RBFOX3: variants seen among roughly 807,000 people sequenced by gnomAD.
RBFOX3 encodes the protein RNA binding protein fox-1 homolog 3.
In RBFOX3, 17 loss-of-function variants were observed where a neutral mutation model predicts 48.7. That is an observed-to-expected ratio of 0.35 (90% CI 0.24 to 0.52). The LOEUF is 0.52. Among genes scored for constraint, RBFOX3 ranks in the 20% least tolerant of loss-of-function variants. The pLI, the probability that RBFOX3 is intolerant of heterozygous loss-of-function variation, is 0.94. For synonymous variants in RBFOX3, 212 were observed against 209.5 expected, an observed-to-expected ratio of 1.01 and a Z score of -0.10; for missense variants, 382 against 497.5, an observed-to-expected ratio of 0.77 and a Z score of 2.21.
rs1221386840 is a variant in RBFOX3 at position 79,463,439 on chromosome 17, G to A, written c.-175+19015C>T. Among the ~76,000 whole-genome samples, 18 of 127,106 alleles carry A rather than the reference G, an allele frequency of 1.4e-4. 2 individuals carry two copies. The highest frequency in any genetic ancestry group is 4.3e-4 in the African/African-American group (14 of 32,224). The allele number at this position is 127,106 out of a possible 152,430, so 83.4% of individuals were successfully genotyped here. On this transcript the variant is annotated intron_variant, in intron 2 of 14. Coordinates refer to ENST00000693108, the MANE Select transcript of RBFOX3 (RefSeq NM_001350451.2). Reference sequence around the variant, plus strand: ...TGCCATTGCCACTGCCACCGCCATCGCCACTGCCACCTCCACCGCCATCAC... The same window carrying A: ...TGCCATTGCCACTGCCACCGCCATCACCACTGCCACCTCCACCGCCATCAC...
intron 2 of RBFOX3, among the ~76,000 whole-genome samples, chr17:79,352,399 C>T (rs537763361): frequency 6.6e-5 from 10 of 152,288 alleles, no homozygotes; most frequent in African/African-American, 2.2e-4. Flanking sequence ...CTGAGGCCTC[C>T]CCAGCCATGC....
intron 4 of RBFOX3, among the ~76,000 whole-genome samples, chr17:79,181,617 GGCCACTGCCGGCCACCCTCT>G (rs59749890): frequency 0.46 from 69,393 of 151,482 alleles, 16,672 homozygotes; most frequent in African/African-American, 0.6. Context: ...CTGGGCTGCA[GGCCACTGCCGGCCACCCTCT>G]GCCACTGCCG....
Position 79,249,347 on chromosome 17 carries a change from C to T in RBFOX3, c.-73-13542G>A, listed in dbSNP as rs537939299. On this transcript the variant is annotated intron_variant, in intron 3 of 14. Transcript: ENST00000693108. This position sits in a 1 kb window ranked among gnomAD's most constrained non-coding sequence, Gnocchi z 4.1. The stretch of plus-strand genomic sequence containing the variant: ...TCCCTCTGTTCCCTGTGTCTCGGCC[C>T]GCTCGGCTCCAATGCTGCTGCAGTC... Among the ~76,000 whole-genome samples the T allele has an allele frequency of 2.6e-5, 4 of 152,264 alleles. No homozygotes were observed. The East Asian group carries it at 5.8e-4, about 22-fold the overall frequency.
intron 2 of RBFOX3, among the ~76,000 whole-genome samples, chr17:79,366,506 T>C (rs2147445023): frequency 6.6e-6 from 1 of 152,328 alleles, no homozygotes; most frequent in East Asian, 1.9e-4. Context: ...TCAAAGTCAG[T>C]GTCCCCAGAG....
chr17:79,523,609 C>T (rs2086410703), intron 1 of RBFOX3, among the ~76,000 whole-genome samples: 1 of 152,132 alleles, frequency 6.6e-6, no homozygotes, highest in Admixed American at 6.5e-5. Context: ...TGATCAACGG[C>T]CCCATTGGTT....
chr17:79,566,975 T>G (rs1024508510), intron 1 of RBFOX3, among the ~76,000 whole-genome samples: 3 of 152,234 alleles, frequency 2.0e-5, no homozygotes, highest in Middle Eastern at 3.4e-3. Flanking sequence ...TCACAATAAA[T>G]TCTTGTTAAT....
At chr17:79,635,508 G>A in the RBFOX3 span, among the ~76,000 whole-genome samples, 1 of 152,150 alleles carries the variant, frequency 6.6e-6, no homozygotes, top group Non-Finnish European at 1.5e-5. Flanking sequence ...ACTTTCACCA[G>A]ATGATAATAT....
intron 3 of RBFOX3, among the ~76,000 whole-genome samples, chr17:79,287,765 G>A (rs984548714): frequency 3.9e-5 from 6 of 152,318 alleles, no homozygotes; most frequent in Non-Finnish European, 8.8e-5. Context: ...GGTCCAGGCA[G>A]GTTGGGCTCC....
intron 12 of RBFOX3, 144 bp downstream of exon 12, chr17:79,096,509 G>T (rs1056810565): frequency 2.9e-6 from 2 of 701,324 alleles, no homozygotes; most frequent in African/African-American, 1.8e-5. Flanking sequence ...ACTCTGGGCA[G>T]ACGTGGCACC....
chr17:79,313,277 C>T (rs2077096181), intron 2 of RBFOX3, among the ~76,000 whole-genome samples: 1 of 152,184 alleles, frequency 6.6e-6, no homozygotes, highest in African/African-American at 2.4e-5. Flanking sequence ...GACCTGGCTC[C>T]AGGGGCTTTC....
chr17:79,505,519 G>A (rs782141801), intron 1 of RBFOX3, among the ~76,000 whole-genome samples: 42,410 of 152,076 alleles, frequency 0.28, 7,308 homozygotes, highest in Non-Finnish European at 0.37. Context: ...CTCCTCTTCT[G>A]TCTCCTTCAC....
intron 4 of RBFOX3, among the ~76,000 whole-genome samples, chr17:79,190,197 A>T (rs1279909069): frequency 6.6e-6 from 1 of 152,218 alleles, no homozygotes; most frequent in Non-Finnish European, 1.5e-5. Flanking sequence ...GGATCACCTG[A>T]GGCCAGGAGT....
chr17:79,123,261 C>T (rs1001295510), intron 4 of RBFOX3, among the ~76,000 whole-genome samples: 6 of 152,064 alleles, frequency 3.9e-5, no homozygotes, highest in Non-Finnish European at 4.4e-5. Flanking sequence ...AGGTGGACAC[C>T]CCATCTTCCC....
chr17:79,620,244 CAT>C, the RBFOX3 span, among the ~76,000 whole-genome samples: 7 of 150,206 alleles, frequency 4.7e-5, no homozygotes, highest in Non-Finnish European at 4.4e-5. Flanking sequence ...CACATGCACA[CAT>C]ACGCACATGC....
At chr17:79,218,501 G>T (rs1008730160) in intron 4 of RBFOX3, among the ~76,000 whole-genome samples, 1 of 152,206 alleles carries the variant, frequency 6.6e-6, no homozygotes, top group African/African-American at 2.4e-5. Context: ...TTGGCCGAGC[G>T]TGGCTGAGGA....
intron 1 of RBFOX3, among the ~76,000 whole-genome samples, chr17:79,581,934 G>A (rs900176827): frequency 1.3e-5 from 2 of 152,098 alleles, no homozygotes; most frequent in Non-Finnish European, 2.9e-5. Flanking sequence ...GTGTGTGCCT[G>A]TGTATGCAAG....
chr17:79,387,491 C>A (rs56218810), intron 2 of RBFOX3, among the ~76,000 whole-genome samples: 1 of 152,072 alleles, frequency 6.6e-6, no homozygotes, highest in East Asian at 1.9e-4. Flanking sequence ...TAAATACTGC[C>A]AGGGCCCACA....
rs75630139 is a variant in RBFOX3 at position 79,126,272 on chromosome 17, C to G, written c.-33-10524G>C. Among the ~76,000 whole-genome samples, 5 of 152,340 alleles carry G rather than the reference C, an allele frequency of 3.3e-5. No individual in the cohort carries two copies. The East Asian group carries it at 9.6e-4, about 29-fold the overall frequency. ...CCCTGTGATGGGGACCAGAACAGGA[C>G]AGACGGATGTCCACTTCCAGAGTCT... On this transcript the variant is annotated intron_variant, in intron 4 of 14. Coordinates refer to ENST00000693108, the MANE Select transcript of RBFOX3 (RefSeq NM_001350451.2).
At chr17:79,543,090 C>T (rs189227537) in intron 1 of RBFOX3, among the ~76,000 whole-genome samples, 1 of 152,238 alleles carries the variant, frequency 6.6e-6, no homozygotes, top group African/African-American at 2.4e-5. Flanking sequence ...AAAAGACAAC[C>T]ATTTGGCCAC....
Sources: gnomAD v4.1 joint callset for allele counts (sites outside exome capture counted in the v4.1 genomes callset) on GRCh38, gnomAD v4.1.1 for gene constraint, Gnocchi (gnomAD v3.1) non-coding constraint, MANE v1.5 for transcripts, NCBI Gene and HGNC (gene_info 2026-07-23, HGNC 2026-07-21) for gene names.